The following MAST3 variants were observed in gnomAD, a reference collection of about 807,000 sequenced individuals.
MAST3 encodes the protein microtubule-associated serine/threonine-protein kinase 3.
MAST3 carries 43 observed loss-of-function variants against 127.0 expected under a neutral mutation model. The observed-to-expected ratio is 0.34, with a 90% CI of 0.27 to 0.44. The LOEUF is 0.44. Among genes scored for constraint, MAST3 ranks in the 20% least tolerant of loss-of-function variants. The pLI is 1.00. For synonymous variants in MAST3, 785 were observed against 809.2 expected (o/e 0.97, Z 0.51); for missense variants, 1,390 against 1,919.1 (o/e 0.72, Z 5.15).
intron 20 of MAST3, among the ~76,000 whole-genome samples, chr19:18,141,377 C>CTTTTCTTTT (rs1555805377): frequency 5.7e-5 from 7 of 122,772 alleles, no homozygotes; most frequent in African/African-American, 2.2e-4. Flanking sequence ...AGCCAGCTTT[C>CTTTTCTTTT]TTTTTTTTTT....
chr19:18,107,688 C>T (rs992069638), intron 2 of MAST3, 70 bp downstream of exon 2: 1 of 1,416,100 alleles, frequency 7.1e-7, no homozygotes, highest in African/African-American at 1.4e-5. Context: ...TCAGCAACAG[C>T]CACTGAATTG....
At chr19:18,103,265 A>C (rs2037798012) in intron 1 of MAST3, among the ~76,000 whole-genome samples, 1 of 152,128 alleles carries the variant, frequency 6.6e-6, no homozygotes, top group Non-Finnish European at 1.5e-5. Context: ...CAGGCCAGGC[A>C]CAGTGGCTCA....
At chr19:18,132,612 C>T (rs181083592) in intron 15 of MAST3, among the ~76,000 whole-genome samples, 103 of 152,282 alleles carry the variant, frequency 6.8e-4, no homozygotes, top group Admixed American at 1.8e-3. Context: ...TACTGCATGC[C>T]AGACCCTCTG....
Position 18,128,833 on chromosome 19 carries a change from G to T in MAST3, c.1138-33G>T, listed in dbSNP as rs200648024. 7.1e-6 allele frequency: 11 copies of T among 1,544,178 alleles called. No homozygotes were observed. The Middle Eastern group carries it at 6.8e-4, about 95-fold the overall frequency. On this transcript the variant is annotated intron_variant, in intron 12 of 27. Coordinates refer to ENST00000687212, the MANE Select transcript of MAST3 (RefSeq NM_001393504.1). ...GGAGAAGCCTTCCCAGCTCTGCAGC[G>T]GGGCAGGACCCTAAGCCCTTCCCAT...
chr19:18,124,934 C>CCCA (rs1024945701), intron 11 of MAST3, among the ~76,000 whole-genome samples, 160 bp downstream of exon 11: 1 of 137,612 alleles, frequency 7.3e-6, no homozygotes, highest in African/African-American at 2.7e-5. Flanking sequence ...GGTGGAAACC[C>CCCA]CCCCCCTACT....
chr19:18,117,406 T>C (rs1458371228), intron 3 of MAST3, among the ~76,000 whole-genome samples: 2 of 152,194 alleles, frequency 1.3e-5, no homozygotes, highest in African/African-American at 4.8e-5. Flanking sequence ...GCAGGGCTGA[T>C]GGCCTTTCCC....
Position 18,124,046 on chromosome 19 carries a change from C to A in MAST3, c.741C>A (p.Ile247=), listed in dbSNP as rs1399297652. The A allele has an allele frequency of 6.2e-7, 1 of 1,606,408 alleles. No individual in the cohort carries two copies. Among genetic ancestry groups the A allele is most frequent in the South Asian group, 1.1e-5 (1 of 89,578 alleles). The stretch of plus-strand genomic sequence containing the variant: ...TCTTGGGCTTCATCCACCACCAGAT[C>A]GTCGAGCTGGCCCGAGACTGCTTGG... The part of the protein sequence containing the change: ...DGVLGFIHHQ[I]VELARDCLAK... Residue 247 remains isoleucine (I), a synonymous_variant, in exon 9 of 28, where the codon ATC becomes ATA. Coordinates refer to ENST00000687212, the MANE Select transcript of MAST3 (RefSeq NM_001393504.1).
At chr19:18,104,082 C>T (rs1339897150) in intron 1 of MAST3, among the ~76,000 whole-genome samples, 3 of 145,458 alleles carry the variant, frequency 2.1e-5, no homozygotes, top group African/African-American at 7.6e-5. Flanking sequence ...TGTGGTGGCA[C>T]ATGCCCACAA....
At chr19:18,134,510 T>C (rs2041687317) in intron 15 of MAST3, 69 bp from the exon 16 acceptor site, 1 of 1,530,946 alleles carries the variant, frequency 6.5e-7, no homozygotes, top group Admixed American at 1.9e-5. Context: ...GGAGCCAAGG[T>C]CTAGGGCAGA....
Position 18,134,723 on chromosome 19 carries a change from G to C in MAST3, c.1704+12G>C. 1 of 1,613,100 alleles carries C rather than the reference G, an allele frequency of 6.2e-7. No homozygotes were observed. Among genetic ancestry groups the C allele is most frequent in the Non-Finnish European group, 8.5e-7 (1 of 1,179,344 alleles). On this transcript the variant is annotated intron_variant, in intron 16 of 27. Transcript: ENST00000687212. ...TCATCGACAAGCAGGTGGGCGGGCA[G>C]GTGGGTGGGCAGCCCCGGGATGCCT...
intron 15 of MAST3, 85 bp downstream of exon 15, chr19:18,132,132 G>C (rs1265704924): frequency 2.3e-5 from 35 of 1,548,932 alleles, no homozygotes; most frequent in Non-Finnish European, 3.0e-5. Flanking sequence ...TCAGGGCAGA[G>C]CCTCTGAGGT....
At position 18,149,979 on chromosome 19, in the gene MAST3, TTTTTTC is replaced by T. The variant is rs1351059621; in HGVS notation, c.*259_*264del. 5 of 71,782 alleles carry T rather than the reference TTTTTTC, an allele frequency of 7.0e-5. No homozygotes were observed. The highest frequency in any genetic ancestry group is 1.3e-3 in the East Asian group (1 of 780). The allele number at this position is 71,782 out of a possible 1,614,324, so 4.4% of individuals were successfully genotyped here. ...ATCCCTGCAACTAATTTATTACTTT[TTTTTTC>T]TTTTTTTTTTTTTTTTTTTGAGACA... On this transcript the variant is annotated 3_prime_UTR_variant, in exon 28 of 28. Transcript: ENST00000687212. The surrounding 1 kb of genome is among the most constrained non-coding windows in gnomAD (Gnocchi z 5.9).
Position 18,097,805 on chromosome 19 carries a change from A to C in MAST3, c.13A>C (p.Ser5Arg). The C allele has an allele frequency of 8.2e-7, 1 of 1,223,236 alleles. No individual in the cohort carries two copies. The highest frequency in any genetic ancestry group is 1.0e-6 in the Non-Finnish European group (1 of 983,576). 75.8% of individuals were successfully genotyped at this position (1,223,236 alleles called of 1,614,324 possible). A position where few individuals can be genotyped will look rare whatever the true frequency, so the allele number is the denominator to read the frequency against. The change falls in exon 1 of 28, where the codon AGC becomes CGC. Residue 5 changes from serine to arginine, a missense_variant. By Grantham distance (110) the Ser-to-Arg change is moderately radical. Around this residue, in one of 5 missense-constraint regions of MAST3, gnomAD observed 61 missense variants for 78.2 expected, o/e 0.78. Transcript: ENST00000687212. MDES[S>R]LLRRRGLQKE... ...GGACTCCCGGGCCATGGACGAGTCG[A>C]GCCTCCTGCGGCGCCGCGGGCTCCA...
At chr19:18,137,172 G>T in intron 18 of MAST3, 67 bp from the exon 19 acceptor site, 1 of 1,576,696 alleles carries the variant, frequency 6.3e-7, no homozygotes, top group South Asian at 1.2e-5. Context: ...ATGGGCAGTG[G>T]GGGTAGGGGG....
intron 3 of MAST3, among the ~76,000 whole-genome samples, chr19:18,119,790 CT>C (rs2039742655): frequency 6.6e-6 from 1 of 152,240 alleles, no homozygotes; most frequent in Admixed American, 6.5e-5. Context: ...CCCTGCCCAC[CT>C]TGTCACCTGT....
chr19:18,102,897 G>T (rs1347768889), intron 1 of MAST3, among the ~76,000 whole-genome samples: 6 of 152,224 alleles, frequency 3.9e-5, no homozygotes, highest in Non-Finnish European at 8.8e-5. Context: ...GTATGGGGGT[G>T]CTCCTGCTGT....
intron 21 of MAST3, among the ~76,000 whole-genome samples, chr19:18,142,512 C>T (rs973711084): frequency 1.3e-5 from 2 of 151,890 alleles, no homozygotes; most frequent in African/African-American, 2.4e-5. Flanking sequence ...CCACCACACC[C>T]GGCTAATTTT....
At chr19:18,132,436 TAC>T (rs1349069072) in intron 15 of MAST3, among the ~76,000 whole-genome samples, 1 of 152,158 alleles carries the variant, frequency 6.6e-6, no homozygotes, top group Non-Finnish European at 1.5e-5. Flanking sequence ...AGACACCAAC[TAC>T]ACACACAGAA....
At chr19:18,148,804 G>C (rs773335323) in intron 27 of MAST3, among the ~76,000 whole-genome samples, 1 of 152,008 alleles carries the variant, frequency 6.6e-6, no homozygotes, top group Non-Finnish European at 1.5e-5. Context: ...TTAGGGGGCC[G>C]AGGCACGAGA....
Sources: gnomAD v4.1 joint callset for allele counts (sites outside exome capture counted in the v4.1 genomes callset) on GRCh38, gnomAD v4.1.1 for gene constraint, gnomAD v4.1.1 regional missense constraint, Gnocchi (gnomAD v3.1) non-coding constraint, MANE v1.5 for transcripts, NCBI Gene and HGNC (gene_info 2026-07-23, HGNC 2026-07-21) for gene names.